Variants in PCDH11X observed in about 807,000 individuals in gnomAD.
The protein encoded by PCDH11X is protocadherin-11 X-linked.
A neutral mutation model predicts 53.3 loss-of-function variants in PCDH11X; 18 were observed. The observed-to-expected ratio is 0.34, with a 90% confidence interval of 0.23 to 0.50. The LOEUF is 0.50. Among genes scored for constraint, PCDH11X ranks in the 20% least tolerant of loss-of-function variants. PCDH11X has a pLI of 0.98. For missense variants in PCDH11X, 570 were observed against 1,032.4 expected, an observed-to-expected ratio of 0.55 and a Z score of 6.14; for synonymous variants, 279 against 393.3, an observed-to-expected ratio of 0.71 and a Z score of 3.44.
intron 10 of PCDH11X, among the ~76,000 whole-genome samples, chrX:92,576,231 A>G (rs1395205846): frequency 1.0e-5 from 1 of 100,143 alleles, no homozygotes; most frequent in Non-Finnish European, 2.0e-5. Flanking sequence ...ATTGGCAGGT[A>G]TATTTTTGGC....
Position 92,530,078 on chromosome X carries a change from C to A in PCDH11X, c.3367+61756C>A, listed in dbSNP as rs753394547. Among the ~76,000 whole-genome samples, 146 of 107,870 alleles carry A rather than the reference C, an allele frequency of 1.4e-3. 1 individual carries two copies. Among genetic ancestry groups the A allele is most frequent in the African/African-American group, 4.6e-3 (136 of 29,712 alleles). The allele number at this position is 107,870 out of a possible 115,157, so 93.7% of individuals were successfully genotyped here. A position where few individuals can be genotyped will look rare whatever the true frequency, so the allele number is the denominator to read the frequency against. On this transcript the variant is annotated intron_variant, in intron 10 of 10. Coordinates refer to ENST00000682573, the MANE Select transcript of PCDH11X (RefSeq NM_032968.5). The stretch of plus-strand genomic sequence containing the variant: ...AATACTCTGATGAAAAGAAAAGAAA[C>A]CTTTGAACCAAAGAAGTGGCTTTCA...
At chrX:92,542,151 T>G (rs2074769302) in intron 10 of PCDH11X, among the ~76,000 whole-genome samples, 1 of 111,703 alleles carries the variant, frequency 9.0e-6, no homozygotes, top group Admixed American at 9.6e-5. Flanking sequence ...GTGATTAAAT[T>G]TCGCTTAAAA....
chrX:92,467,822 G>C (rs2148661666), intron 9 of PCDH11X, among the ~76,000 whole-genome samples: 1 of 111,083 alleles, frequency 9.0e-6, no homozygotes, highest in South Asian at 3.7e-4. Context: ...GCTGATTTTG[G>C]GTTTTTCCTA....
chrX:92,335,854 A>C (rs1195215598), intron 8 of PCDH11X, among the ~76,000 whole-genome samples: 1 of 112,122 alleles, frequency 8.9e-6, no homozygotes, highest in African/African-American at 3.2e-5. Context: ...TGTTTCTAAA[A>C]TATTTACAAC....
At chrX:92,220,619 A>G (rs1457635492) in intron 7 of PCDH11X, among the ~76,000 whole-genome samples, 1 of 110,777 alleles carries the variant, frequency 9.0e-6, no homozygotes, top group Non-Finnish European at 1.9e-5. Context: ...AACTAGTTCA[A>G]CCATTGTGGA....
At chrX:91,942,105 GA>G (rs1276422415) in intron 6 of PCDH11X, among the ~76,000 whole-genome samples, 3 of 105,576 alleles carry the variant, frequency 2.8e-5, no homozygotes, top group Admixed American at 1.0e-4. Flanking sequence ...TATTAGAAAA[GA>G]AAAAAAAAGA....
chrX:92,031,754 G>T (rs1442827852), intron 6 of PCDH11X, among the ~76,000 whole-genome samples: 1 of 111,266 alleles, frequency 9.0e-6, no homozygotes, highest in Non-Finnish European at 1.9e-5. Context: ...TTGCCCCAGA[G>T]TATGTTCTTG....
At chrX:92,089,774 C>T (rs1317825463) in intron 6 of PCDH11X, among the ~76,000 whole-genome samples, 4 of 108,020 alleles carry the variant, frequency 3.7e-5, no homozygotes, top group African/African-American at 6.7e-5. Flanking sequence ...CCACCCTCCT[C>T]GGCCTCCCAA....
intron 6 of PCDH11X, among the ~76,000 whole-genome samples, chrX:92,014,466 A>C (rs971017536): frequency 9.2e-6 from 1 of 108,888 alleles, no homozygotes; most frequent in African/African-American, 3.3e-5. Context: ...CCATTGTGGA[A>C]GTCAGTGTGG....
chrX:91,814,135 A>G (rs185189072), intron 4 of PCDH11X, among the ~76,000 whole-genome samples: 3,385 of 109,641 alleles, frequency 0.031, 60 homozygotes, highest in Middle Eastern at 0.047. Context: ...GTTTCAAGAT[A>G]TATTGCACGT....
At chrX:92,107,641 G>A (rs1243412252) in intron 6 of PCDH11X, among the ~76,000 whole-genome samples, 1 of 112,399 alleles carries the variant, frequency 8.9e-6, no homozygotes, top group Non-Finnish European at 1.9e-5. Context: ...GGAGGCTGAG[G>A]CAGGAGAATC....
intron 6 of PCDH11X, among the ~76,000 whole-genome samples, chrX:92,198,917 C>T (rs1252036403): frequency 9.0e-6 from 1 of 111,346 alleles, no homozygotes; most frequent in Non-Finnish European, 1.9e-5. Context: ...TTCTTATGAT[C>T]TAGCCTCTTC....
intron 9 of PCDH11X, among the ~76,000 whole-genome samples, chrX:92,451,985 TG>T (rs1431830707): frequency 1.5e-4 from 16 of 107,742 alleles, no homozygotes; most frequent in African/African-American, 4.7e-4. Flanking sequence ...GGAACTGATA[TG>T]AAAACTGAAG....
intron 9 of PCDH11X, among the ~76,000 whole-genome samples, chrX:92,449,617 T>C (rs754702163): frequency 8.9e-6 from 1 of 111,926 alleles, no homozygotes; most frequent in Non-Finnish European, 1.9e-5. Context: ...TGATAGAGCA[T>C]GGGTTAAAAC....
In PCDH11X at chrX:92,367,362, A is replaced by G. The variant is rs1437080579; in HGVS notation, c.3145-20373A>G. On this transcript the variant is annotated intron_variant, in intron 8 of 10. Coordinates refer to ENST00000682573, the MANE Select transcript of PCDH11X (RefSeq NM_032968.5). Reference sequence around the variant, plus strand: ...CCATTTGCTTGGTAAATCTTCTTCCATCTGTTTATTTTGAGCCCCTGTGTA... The same window carrying G: ...CCATTTGCTTGGTAAATCTTCTTCCGTCTGTTTATTTTGAGCCCCTGTGTA... Among the ~76,000 whole-genome samples, 4 of 110,545 alleles carry G rather than the reference A, an allele frequency of 3.6e-5. No individual in the cohort carries two copies. The East Asian group carries it at 1.1e-3, about 31-fold the overall frequency.
At chrX:92,362,179 T>G (rs2070362548) in intron 8 of PCDH11X, among the ~76,000 whole-genome samples, 1 of 109,899 alleles carries the variant, frequency 9.1e-6, no homozygotes, top group Non-Finnish European at 1.9e-5. Context: ...GATCATATGG[T>G]AATTCTACAT....
chrX:92,097,593 TACTC>T (rs1416638800), intron 6 of PCDH11X, among the ~76,000 whole-genome samples: 10 of 110,866 alleles, frequency 9.0e-5, no homozygotes, highest in African/African-American at 3.3e-4. Context: ...GCAGAATTAA[TACTC>T]AGTTAATACT....
At chrX:92,104,646 T>C (rs1190671222) in intron 6 of PCDH11X, among the ~76,000 whole-genome samples, 6 of 110,651 alleles carry the variant, frequency 5.4e-5, no homozygotes, top group Non-Finnish European at 1.1e-4. Flanking sequence ...TTTTAAGTTC[T>C]TAAGAATACA....
chrX:92,373,905 T>C (rs6618993), intron 8 of PCDH11X, among the ~76,000 whole-genome samples: 13,674 of 110,814 alleles, frequency 0.12, 1,263 homozygotes, highest in East Asian at 0.63. Context: ...TAAATGAAAT[T>C]GTATCCTATT....
Sources: allele counts gnomAD v4.1 joint callset (sites outside exome capture counted in the v4.1 genomes callset), GRCh38; gene constraint gnomAD v4.1.1; transcripts MANE v1.5; gene names NCBI Gene and HGNC (gene_info 2026-07-23, HGNC 2026-07-21).